STX18: variants seen among roughly 807,000 people sequenced by gnomAD.
STX18 encodes the protein syntaxin-18.
A neutral mutation model predicts 50.1 loss-of-function variants in STX18; 40 were observed. That is an observed-to-expected ratio of 0.80 (90% CI 0.62 to 1.04). The LOEUF (loss-of-function observed/expected upper bound fraction) is 1.04, where lower values mean the gene tolerates loss of function less well. Ranked by LOEUF, STX18 falls within the 50% of genes least tolerant of loss-of-function variation. STX18 has a pLI of 0.00. For synonymous variants in STX18, 158 were observed against 151.8 expected, an observed-to-expected ratio of 1.04 and a Z score of -0.30; for missense variants, 410 against 415.8, an observed-to-expected ratio of 0.99 and a Z score of 0.12.
intron 5 of STX18, among the ~76,000 whole-genome samples, chr4:4,441,007 C>T (rs11734030): frequency 0.12 from 18,779 of 152,164 alleles, 1,216 homozygotes; most frequent in Non-Finnish European, 0.14. Flanking sequence ...CCAAGGAGGC[C>T]ACACACATGG....
rs75788872 is a variant in STX18, at chr4:4,493,753, T to A, written c.169-22047A>T. Among the ~76,000 whole-genome samples the A allele has an allele frequency of 8.3e-4, 127 of 152,340 alleles. 3 individuals carry two copies. In the East Asian group the frequency reaches 0.023, roughly 28 times the overall value. On this transcript the variant is annotated intron_variant, in intron 1 of 10. Coordinates refer to ENST00000306200, the MANE Select transcript of STX18 (RefSeq NM_016930.4). ...AATAAGCGCAAAGCATAATGCTGTT[T>A]TGAAGTTTTTACAGTATGCTTAGAA... is the stretch of plus-strand genomic sequence containing the variant.
At position 4,539,460 on chromosome 4, in the gene STX18, G is replaced by A. The variant is rs183213438; in HGVS notation, c.168+2337C>T. Among the ~76,000 whole-genome samples, 369 of 152,326 alleles carry A rather than the reference G, an allele frequency of 2.4e-3. 4 individuals are homozygous for A. The highest frequency in any genetic ancestry group is 3.8e-3 in the Admixed American group (58 of 15,308). ...TAAACTTCCCACAAGAGAAGATGGG[G>A]AGTGGGGAACGGTTGCAAGAACAGG... On this transcript the variant is annotated intron_variant, in intron 1 of 10. Coordinates refer to ENST00000306200, the MANE Select transcript of STX18 (RefSeq NM_016930.4).
In STX18 at chr4:4,495,308, A is replaced by G. The variant is rs73796028; in HGVS notation, c.169-23602T>C. 7.9e-3 allele frequency among the ~76,000 whole-genome samples: 1,199 copies of G among 152,292 alleles called. 13 individuals carry two copies. The highest frequency in any genetic ancestry group is 0.027 in the African/African-American group (1,142 of 41,562). ...AGTGAAGGATTTCTGTAAGCCAACA[A>G]TGTTAAAATGTTCTCTTACAAATGA... On this transcript the variant is annotated intron_variant, in intron 1 of 10. Coordinates refer to ENST00000306200, the MANE Select transcript of STX18 (RefSeq NM_016930.4).
At chr4:4,442,581 C>T (rs1423953612) in intron 5 of STX18, among the ~76,000 whole-genome samples, 1 of 152,110 alleles carries the variant, frequency 6.6e-6, no homozygotes, top group African/African-American at 2.4e-5. Context: ...TCACCCACTG[C>T]ACTCCAGCCT....
chr4:4,455,993 A>T (rs541615661), intron 5 of STX18, among the ~76,000 whole-genome samples: 1 of 152,262 alleles, frequency 6.6e-6, no homozygotes, highest in South Asian at 2.1e-4. Flanking sequence ...GTAAGAATTT[A>T]AAAAATGTGG....
intron 1 of STX18, among the ~76,000 whole-genome samples, chr4:4,538,427 T>A (rs147927474): frequency 2.0e-5 from 3 of 152,340 alleles, no homozygotes; most frequent in African/African-American, 7.2e-5. Flanking sequence ...CGCTGATTCA[T>A]CAGTACCTGC....
chr4:4,535,202 G>C (rs1479247288), intron 1 of STX18, among the ~76,000 whole-genome samples: 1 of 152,172 alleles, frequency 6.6e-6, no homozygotes, highest in Non-Finnish European at 1.5e-5. Context: ...TCTTTTCAAA[G>C]AACAGGTTAA....
intron 1 of STX18, among the ~76,000 whole-genome samples, chr4:4,519,357 AG>A (rs972414665): frequency 6.6e-6 from 1 of 152,178 alleles, no homozygotes; most frequent in African/African-American, 2.4e-5. Flanking sequence ...CTGTAGCTCA[AG>A]GAACACTTTA....
At chr4:4,424,436 G>C (rs896701614) in intron 8 of STX18, among the ~76,000 whole-genome samples, 55 of 151,674 alleles carry the variant, frequency 3.6e-4, no homozygotes, top group African/African-American at 1.3e-3. Context: ...GCATGGGGGA[G>C]TAGCGGGGTG....
intron 2 of STX18, chr4:4,462,035 G>C (rs1438493327): frequency 6.6e-6 from 3 of 453,822 alleles, no homozygotes; most frequent in African/African-American, 6.0e-5. Flanking sequence ...TAATTCAAGA[G>C]CAGAGTATCA....
chr4:4,478,356 T>C (rs956174609), intron 1 of STX18, among the ~76,000 whole-genome samples: 14 of 152,142 alleles, frequency 9.2e-5, no homozygotes, highest in African/African-American at 2.9e-4. Flanking sequence ...AGAAGAAGGT[T>C]CACAAATACA....
At chr4:4,429,094 G>A (rs1205131329) in intron 7 of STX18, among the ~76,000 whole-genome samples, 1 of 152,158 alleles carries the variant, frequency 6.6e-6, no homozygotes, top group Non-Finnish European at 1.5e-5. Flanking sequence ...ATGTTGAACA[G>A]CCTAGGACTT....
At chr4:4,484,688 T>C (rs1728623551) in intron 1 of STX18, among the ~76,000 whole-genome samples, 2 of 152,180 alleles carry the variant, frequency 1.3e-5, no homozygotes, top group South Asian at 4.1e-4. Flanking sequence ...CGGAGAGGCT[T>C]TGCTAACTAC....
chr4:4,527,406 T>C (rs1241609037), intron 1 of STX18, among the ~76,000 whole-genome samples: 1 of 152,242 alleles, frequency 6.6e-6, no homozygotes. Flanking sequence ...TGTAATTTCC[T>C]TATTACTTTA....
At chr4:4,538,133 T>C (rs1731425962) in intron 1 of STX18, among the ~76,000 whole-genome samples, 1 of 149,570 alleles carries the variant, frequency 6.7e-6, no homozygotes. Context: ...CAAACAAACA[T>C]GGGTCTGCTT....
At chr4:4,466,757 G>A (rs751342017) in intron 2 of STX18, among the ~76,000 whole-genome samples, 4 of 152,134 alleles carry the variant, frequency 2.6e-5, no homozygotes, top group Admixed American at 6.5e-5. Flanking sequence ...CTTGCCCACC[G>A]CCCAGATAGA....
At position 4,436,451 on chromosome 4, in the gene STX18, T is replaced by C. The variant is rs565199203; in HGVS notation, c.614-1593A>G. On this transcript the variant is annotated intron_variant, in intron 6 of 10. Transcript: ENST00000306200. Reference sequence around the variant, plus strand: ...TGTCTCCTACTTGTCCTCATTATGGTATCCATTTCAAGCTTTTACTGTTGT... The same window carrying C: ...TGTCTCCTACTTGTCCTCATTATGGCATCCATTTCAAGCTTTTACTGTTGT... Among the ~76,000 whole-genome samples, 151 of 151,256 alleles carry C rather than the reference T, an allele frequency of 1.0e-3. 2 individuals are homozygous for C. Among genetic ancestry groups the C allele is most frequent in the African/African-American group, 3.6e-3 (149 of 41,098 alleles).
intron 9 of STX18, among the ~76,000 whole-genome samples, chr4:4,421,367 C>A (rs1724951998): frequency 6.6e-6 from 1 of 152,002 alleles, no homozygotes; most frequent in African/African-American, 2.4e-5. Flanking sequence ...CCTCCCACTT[C>A]AGCCTCCCAA....
At chr4:4,470,658 A>G (rs1173653275) in intron 2 of STX18, among the ~76,000 whole-genome samples, 1 of 152,236 alleles carries the variant, frequency 6.6e-6, no homozygotes, top group African/African-American at 2.4e-5. Flanking sequence ...TAGTGAGAGA[A>G]GGCCTCTGGG....
Sources: allele counts gnomAD v4.1 joint callset (sites outside exome capture counted in the v4.1 genomes callset), GRCh38; gene constraint gnomAD v4.1.1; transcripts MANE v1.5; gene names NCBI Gene and HGNC (gene_info 2026-07-23, HGNC 2026-07-21).